Variants in SYNE3 observed in about 807,000 individuals in gnomAD.
The protein encoded by SYNE3 is spectrin repeat containing nuclear envelope family member 3.
Under a neutral mutation model 111.2 loss-of-function variants are expected in SYNE3, and 100 were observed. The observed-to-expected ratio is 0.90, with a 90% CI of 0.77 to 1.06. The LOEUF (loss-of-function observed/expected upper bound fraction) is 1.06, where lower values mean the gene tolerates loss of function less well. Ranked by LOEUF, SYNE3 falls within the 50% of genes least tolerant of loss-of-function variation. The pLI is 0.00. For synonymous variants in SYNE3, 547 were observed against 533.9 expected (o/e 1.02, Z -0.34); for missense variants, 1,160 against 1,240.3 (o/e 0.94, Z 0.97).
At position 95,500,830 on chromosome 14, in the gene SYNE3, C is replaced by T. The variant is rs562083002; in HGVS notation, c.-15+15766G>A. 6.6e-5 allele frequency among the ~76,000 whole-genome samples: 10 copies of T among 152,336 alleles called. No individual in the cohort carries two copies. The highest frequency in any genetic ancestry group is 2.2e-4 in the African/African-American group (9 of 41,578). On this transcript the variant is annotated intron_variant, in intron 1 of 17. Coordinates refer to ENST00000682763, the MANE Select transcript of SYNE3 (RefSeq NM_152592.6). This position sits in a 1 kb window ranked among gnomAD's most constrained non-coding sequence, Gnocchi z 4.7. ...CACCCACCCAACTGGAAGAAGCAAA[C>T]GGTCAGCACACGAGCCCCATTCTTT... is the stretch of plus-strand genomic sequence containing the variant.
rs1903366624 is a variant in SYNE3 at position 95,409,160 on chromosome 14, C to T, written c.*8666G>A. On this transcript the variant is annotated 3_prime_UTR_variant, in exon 18 of 18. Transcript: ENST00000682763. ...AGGGAACATTCCATAGAGTGGAGCACTGGGCTCGGAGCCAGTCATGCCTGG... is the reference window on the plus strand; with the variant it reads ...AGGGAACATTCCATAGAGTGGAGCATTGGGCTCGGAGCCAGTCATGCCTGG... The T allele has an allele frequency of 2.2e-6, 1 of 456,632 alleles. No homozygotes were observed. The highest frequency in any genetic ancestry group is 4.4e-6 in the Non-Finnish European group (1 of 226,982). 28.3% of individuals were successfully genotyped at this position (456,632 alleles called of 1,614,324 possible). A position where few individuals can be genotyped will look rare whatever the true frequency, so the allele number is the denominator to read the frequency against.
At position 95,417,546 on chromosome 14, in the gene SYNE3, G is replaced by A. The variant is rs775496046; in HGVS notation, c.*280C>T. The A allele has an allele frequency of 9.8e-5, 45 of 457,150 alleles. No homozygotes were observed. The highest frequency in any genetic ancestry group is 1.0e-4 in the Admixed American group (3 of 29,262). The allele number at this position is 457,150 out of a possible 1,614,324, so 28.3% of individuals were successfully genotyped here. ...ATTTTCCCAACTCCAAATAGAACTC[G>A]TATATGAAATTATACATACTGAGCA... is the stretch of plus-strand genomic sequence containing the variant. On this transcript the variant is annotated 3_prime_UTR_variant, in exon 18 of 18. Coordinates refer to ENST00000682763, the MANE Select transcript of SYNE3 (RefSeq NM_152592.6).
chr14:95,407,568 C>G lies in SYNE3; in HGVS notation c.*10258G>C, dbSNP rs1231106173. The G allele has an allele frequency of 6.6e-6, 1 of 152,016 alleles. No individual in the cohort carries two copies. Among genetic ancestry groups the G allele is most frequent in the Admixed American group, 6.6e-5 (1 of 15,250 alleles). The allele number at this position is 152,016 out of a possible 1,614,324, so 9.4% of individuals were successfully genotyped here. A position where few individuals can be genotyped will look rare whatever the true frequency, so the allele number is the denominator to read the frequency against. ...TTTGGCTCCAATACTGCTTGCCTTC[C>G]CAGAAAGCTTAATTTATTGCAAATG... On this transcript the variant is annotated 3_prime_UTR_variant, in exon 18 of 18. Coordinates refer to ENST00000682763, the MANE Select transcript of SYNE3 (RefSeq NM_152592.6).
At position 95,445,893 on chromosome 14, in the gene SYNE3, G is replaced by A; in HGVS notation, c.1632+16C>T. On this transcript the variant is annotated intron_variant, in intron 9 of 17. Coordinates refer to ENST00000682763, the MANE Select transcript of SYNE3 (RefSeq NM_152592.6). ...TGGCCAAGCCAAGTCCCGAGCAGAT[G>A]CCTGGTGCTGCACACCTGCAGTTTG... The A allele has an allele frequency of 3.7e-6, 6 of 1,611,134 alleles. No individual in the cohort carries two copies. The Admixed American group carries it at 1.0e-4, about 27-fold the overall frequency.
intron 4 of SYNE3, among the ~76,000 whole-genome samples, chr14:95,458,079 C>G (rs926834163): frequency 2.0e-5 from 3 of 152,164 alleles, no homozygotes; most frequent in Non-Finnish European, 4.4e-5. Flanking sequence ...CTGAGGGTGG[C>G]TGACATTTGG....
intron 1 of SYNE3, among the ~76,000 whole-genome samples, chr14:95,478,964 G>T (rs1889057406): frequency 6.6e-6 from 1 of 152,094 alleles, no homozygotes; most frequent in Non-Finnish European, 1.5e-5. Context: ...CAGCCATGAG[G>T]CCAGAAGGAC....
At chr14:95,445,414 T>C (rs76501452) in intron 9 of SYNE3, among the ~76,000 whole-genome samples, 2,936 of 152,324 alleles carry the variant, frequency 0.019, 36 homozygotes, top group Middle Eastern at 0.051. Flanking sequence ...CAGTGCCCCA[T>C]AGATCATAGT....
rs971398111 is a variant in SYNE3 at position 95,436,811 on chromosome 14, G to C, written c.2538+9C>G. On this transcript the variant is annotated intron_variant, in intron 15 of 17. Coordinates refer to ENST00000682763, the MANE Select transcript of SYNE3 (RefSeq NM_152592.6). ...CTTATGGATGAGGGACCTTTCCTGG[G>C]GAACAGACCTGCAGCTTCGATTTTC... 6.2e-7 allele frequency: 1 copy of C among 1,613,402 alleles called. No individual in the cohort carries two copies. Among genetic ancestry groups the C allele is most frequent in the Admixed American group, 1.7e-5 (1 of 59,992 alleles).
At position 95,417,786 on chromosome 14, in the gene SYNE3, T is replaced by G. The variant is rs751899264; in HGVS notation, c.*40A>C. The G allele has an allele frequency of 4.4e-6, 7 of 1,604,842 alleles. No individual in the cohort carries two copies. The South Asian group carries it at 7.7e-5, about 18-fold the overall frequency. On this transcript the variant is annotated 3_prime_UTR_variant, in exon 18 of 18. Coordinates refer to ENST00000682763, the MANE Select transcript of SYNE3 (RefSeq NM_152592.6). The stretch of plus-strand genomic sequence containing the variant: ...TCCTCAGGAGGGGCCCTGGGACTGA[T>G]GGAGGTTGGAGGAGAAAGTCACCTG...
chr14:95,439,502 G>T, intron 13 of SYNE3, 110 bp downstream of exon 13: 1 of 1,435,968 alleles, frequency 7.0e-7, no homozygotes, highest in Non-Finnish European at 9.6e-7. Context: ...ACGGCCCCTG[G>T]CTCCACACTG....
intron 1 of SYNE3, among the ~76,000 whole-genome samples, chr14:95,498,749 G>C (rs1346332580): frequency 1.3e-5 from 2 of 152,130 alleles, no homozygotes; most frequent in Non-Finnish European, 2.9e-5. Flanking sequence ...GCACCCATAA[G>C]CATGCAAAGA....
In SYNE3 at chr14:95,500,682, T is replaced by A. The variant is rs878929796; in HGVS notation, c.-15+15914A>T. ...TCATGATTCCCGCTGATCCTCTCCC[T>A]GACCACCCGTGGGACAGTGGCCAGC... On this transcript the variant is annotated intron_variant, in intron 1 of 17. Coordinates refer to ENST00000682763, the MANE Select transcript of SYNE3 (RefSeq NM_152592.6). This position sits in a 1 kb window ranked among gnomAD's most constrained non-coding sequence, Gnocchi z 4.7. Among the ~76,000 whole-genome samples, 2 of 152,202 alleles carry A rather than the reference T, an allele frequency of 1.3e-5. No individual in the cohort carries two copies. The highest frequency in any genetic ancestry group is 2.4e-5 in the African/African-American group (1 of 41,452).
rs1280359438 is a variant in SYNE3, at chr14:95,414,790, G to T, written c.*3036C>A. 1 of 151,442 alleles carries T rather than the reference G, an allele frequency of 6.6e-6. No individual in the cohort carries two copies. Among genetic ancestry groups the T allele is most frequent in the African/African-American group, 2.4e-5 (1 of 41,126 alleles). 9.4% of individuals were successfully genotyped at this position (151,442 alleles called of 1,614,324 possible). Reference sequence around the variant, plus strand: ...AAAGCTCTGCATGGCTGTTAAAGAGGCTGGAAACTAAAGTCATAAGAATAA... The same window carrying T: ...AAAGCTCTGCATGGCTGTTAAAGAGTCTGGAAACTAAAGTCATAAGAATAA... On this transcript the variant is annotated 3_prime_UTR_variant, in exon 18 of 18. Coordinates refer to ENST00000682763, the MANE Select transcript of SYNE3 (RefSeq NM_152592.6).
chr14:95,463,615 A>G (rs940874233), intron 4 of SYNE3, among the ~76,000 whole-genome samples: 2 of 152,230 alleles, frequency 1.3e-5, no homozygotes, highest in Admixed American at 6.5e-5. Flanking sequence ...GAGAATTGCC[A>G]TGAAGCCTGC....
At chr14:95,481,597 C>T (rs866894813) in intron 1 of SYNE3, among the ~76,000 whole-genome samples, 2 of 152,170 alleles carry the variant, frequency 1.3e-5, no homozygotes, top group Non-Finnish European at 2.9e-5. Flanking sequence ...AACCCCCAGC[C>T]GACTACTTAC....
At chr14:95,465,152 C>G (rs1358453992) in intron 4 of SYNE3, among the ~76,000 whole-genome samples, 1 of 150,166 alleles carries the variant, frequency 6.7e-6, no homozygotes, top group African/African-American at 2.5e-5. Flanking sequence ...GGAGGAAACA[C>G]TGAAGGAGAA....
rs376376113 is a variant in SYNE3, at chr14:95,421,062, T to C, written c.2728-3036A>G. On this transcript the variant is annotated intron_variant, in intron 17 of 17. Coordinates refer to ENST00000682763, the MANE Select transcript of SYNE3 (RefSeq NM_152592.6). The stretch of plus-strand genomic sequence containing the variant: ...TTGGCTCCCATTCTCTCTTGTCTGC[T>C]GCCATGTAAGATGTGCCTTTCTTCT... Among the ~76,000 whole-genome samples, 31 of 152,328 alleles carry C rather than the reference T, an allele frequency of 2.0e-4. No homozygotes were observed. The East Asian group carries it at 3.7e-3, about 18-fold the overall frequency.
chr14:95,458,443 C>T (rs970898144), intron 4 of SYNE3, among the ~76,000 whole-genome samples: 2 of 152,228 alleles, frequency 1.3e-5, no homozygotes, highest in African/African-American at 4.8e-5. Flanking sequence ...CCAGAGCTCA[C>T]CCCTAAAACA....
At position 95,485,063 on chromosome 14, in the gene SYNE3, G is replaced by A. The variant is rs1010310205; in HGVS notation, c.-14-9228C>T. 4.6e-5 allele frequency among the ~76,000 whole-genome samples: 7 copies of A among 152,140 alleles called. No homozygotes were observed. Among genetic ancestry groups the A allele is most frequent in the Non-Finnish European group, 1.0e-4 (7 of 68,018 alleles). ...TCCAGGACCTCACTTTGAGAACCAT[G>A]GGCTTGGAGGATGTCTCAGCCTCCC... On this transcript the variant is annotated intron_variant, in intron 1 of 17. Coordinates refer to ENST00000682763, the MANE Select transcript of SYNE3 (RefSeq NM_152592.6). The surrounding 1 kb of genome is among the most constrained non-coding windows in gnomAD (Gnocchi z 4.3).
Sources: allele counts gnomAD v4.1 joint callset (sites outside exome capture counted in the v4.1 genomes callset), GRCh38; gene constraint gnomAD v4.1.1; non-coding constraint Gnocchi (gnomAD v3.1); transcripts MANE v1.5; gene names NCBI Gene and HGNC (gene_info 2026-07-23, HGNC 2026-07-21).